Variants in OR6C4 observed in about 807,000 individuals in gnomAD.
OR6C4 encodes olfactory receptor family 6 subfamily C member 4, also known as olfactory receptor 6C4.
Under a neutral mutation model 15.1 loss-of-function variants are expected in OR6C4, and 20 were observed. The ratio of observed to expected loss-of-function variants is 1.32; its 90% confidence interval spans 0.93 to 1.92. The LOEUF (loss-of-function observed/expected upper bound fraction) is 1.92. Ranked by LOEUF, OR6C4 falls within the 30% of genes most tolerant of loss-of-function variation. The probability of loss-of-function intolerance (pLI) is 0.00; values close to 1 mark genes in which losing one functional copy is unlikely to be tolerated. For missense variants in OR6C4, 491 were observed against 363.2 expected, an observed-to-expected ratio of 1.35 and a Z score of -2.86; for synonymous variants, 179 against 134.2, an observed-to-expected ratio of 1.33 and a Z score of -2.31.
rs571853153 is a variant in OR6C4, at chr12:55,551,790, A to C, written c.564A>C (p.Ser188=). The C allele has an allele frequency of 6.2e-7, 1 of 1,612,018 alleles. No individual in the cohort carries two copies. The part of the protein sequence containing the change: ...DYGPLVELAC[S]DTSLLELMVI... ...GGCCTCTCGTGGAGCTTGCCTGCTCAGACACAAGCCTCTTAGAACTGATGG... is the reference window on the plus strand; with the variant it reads ...GGCCTCTCGTGGAGCTTGCCTGCTCCGACACAAGCCTCTTAGAACTGATGG... Residue 188 remains serine (S), a synonymous_variant, in exon 2 of 2, where the codon TCA becomes TCC. Coordinates refer to ENST00000641569, the MANE Select transcript of OR6C4 (RefSeq NM_001005494.2).
chr12:55,552,202 C>G lies in OR6C4; in HGVS notation c.*46C>G, dbSNP rs754023810. 15 of 1,270,124 alleles carry G rather than the reference C, an allele frequency of 1.2e-5. No homozygotes were observed. The highest frequency in any genetic ancestry group is 2.4e-5 in the Admixed American group (1 of 41,944). The allele number at this position is 1,270,124 out of a possible 1,614,324, so 78.7% of individuals were successfully genotyped here. A position where few individuals can be genotyped will look rare whatever the true frequency, so the allele number is the denominator to read the frequency against. On this transcript the variant is annotated 3_prime_UTR_variant, in exon 2 of 2. Transcript: ENST00000641569. Reference sequence around the variant, plus strand: ...AATACATTTTCACTTAACAAATATGCATTGAATGTCTATATTTCAAGTGCT... The same window carrying G: ...AATACATTTTCACTTAACAAATATGGATTGAATGTCTATATTTCAAGTGCT...
Position 55,551,444 on chromosome 12 carries a change from C to T in OR6C4, c.218C>T (p.Ser73Phe). ...TCCTTCTTAGAAATTTCCTTCACAT[C>T]CATTTTTATTCCCAGATTTCTGACC... The part of the protein sequence containing the change: ...NFSFLEISFT[S>F]IFIPRFLTSM... Residue 73 changes from serine to phenylalanine, a missense_variant, in exon 2 of 2, where the codon TCC (serine) becomes TTC (phenylalanine). By Grantham distance (155) the Ser-to-Phe change is radical (BLOSUM62 -2). Coordinates refer to ENST00000641569, the MANE Select transcript of OR6C4 (RefSeq NM_001005494.2). 4 of 1,613,890 alleles carry T rather than the reference C, an allele frequency of 2.5e-6. No individual in the cohort carries two copies. The highest frequency in any genetic ancestry group is 1.3e-5 in the African/African-American group (1 of 75,032).
Position 55,552,311 on chromosome 12 carries a change from T to A in OR6C4, c.*155T>A, listed in dbSNP as rs540785120. ...TAGTCTAGAATCAAGGAAAGATATATAAATGGTAAATTTATGTAATAAATT... is the reference window on the plus strand; with the variant it reads ...TAGTCTAGAATCAAGGAAAGATATAAAAATGGTAAATTTATGTAATAAATT... On this transcript the variant is annotated 3_prime_UTR_variant, in exon 2 of 2. Coordinates refer to ENST00000641569, the MANE Select transcript of OR6C4 (RefSeq NM_001005494.2). 29 of 517,550 alleles carry A rather than the reference T, an allele frequency of 5.6e-5. No homozygotes were observed. The Middle Eastern group carries it at 2.0e-3, about 35-fold the overall frequency. The allele number at this position is 517,550 out of a possible 1,614,324, so 32.1% of individuals were successfully genotyped here.
Position 55,550,060 on chromosome 12 carries a change from A to G in OR6C4, c.-77A>G, listed in dbSNP as rs1157753715. 6.6e-6 allele frequency: 1 copy of G among 152,200 alleles called. No homozygotes were observed. The allele number at this position is 152,200 out of a possible 1,614,324, so 9.4% of individuals were successfully genotyped here. On this transcript the variant is annotated 5_prime_UTR_variant, in exon 1 of 2. It removes an upstream start codon present in the reference 5' UTR. Transcript: ENST00000641569. Reference sequence around the variant, plus strand: ...TTTTATCATTCTATAAATGTGGATCATGAAATGAATCAACTGTGAAAATCT... The same window carrying G: ...TTTTATCATTCTATAAATGTGGATCGTGAAATGAATCAACTGTGAAAATCT...
intron 1 of OR6C4, 68 bp from the exon 2 acceptor site, chr12:55,551,141 A>G (rs951215675): frequency 7.0e-6 from 7 of 1,005,368 alleles, no homozygotes; most frequent in African/African-American, 6.5e-5. Flanking sequence ...CTGTTCATTA[A>G]GATAAGCTTT....
chr12:55,551,065 G>T, intron 1 of OR6C4, 144 bp from the exon 2 acceptor site: 1 of 584,724 alleles, frequency 1.7e-6, no homozygotes, highest in Non-Finnish European at 3.0e-6. Context: ...CTTGCATGGA[G>T]CCAAGTGCAC....
At position 55,551,816 on chromosome 12, in the gene OR6C4, T is replaced by C; in HGVS notation, c.590T>C (p.Val197Ala). 6.2e-7 allele frequency: 1 copy of C among 1,613,862 alleles called. No homozygotes were observed. Among genetic ancestry groups the C allele is most frequent in the Non-Finnish European group, 8.5e-7 (1 of 1,179,908 alleles). ...CSDTSLLELM[V>A]ILLAVVTLMV... ...GACACAAGCCTCTTAGAACTGATGG[T>C]CATCCTCTTGGCCGTTGTGACTCTC... The change falls in exon 2 of 2, where the codon GTC becomes GCC. Residue 197 changes from valine to alanine, a missense_variant. Transcript: ENST00000641569.
At position 55,554,856 on chromosome 12, in the gene OR6C4, A is replaced by AT. The variant is rs1033705932; in HGVS notation, c.*2706dup. On this transcript the variant is annotated 3_prime_UTR_variant, in exon 2 of 2. Coordinates refer to ENST00000641569, the MANE Select transcript of OR6C4 (RefSeq NM_001005494.2). ...AATAAAATTCAAAACAATAAAATAT[A>AT]TTTTTTAATTTTTTTTATTTCAGCC... The AT allele has an allele frequency of 3.9e-5, 6 of 152,222 alleles. No individual in the cohort carries two copies. Among genetic ancestry groups the AT allele is most frequent in the Non-Finnish European group, 5.9e-5 (4 of 68,012 alleles). 9.4% of individuals were successfully genotyped at this position (152,222 alleles called of 1,614,324 possible). A position where few individuals can be genotyped will look rare whatever the true frequency, so the allele number is the denominator to read the frequency against.
Position 55,551,759 on chromosome 12 carries a change from A to T in OR6C4, c.533A>T (p.Asp178Val). 6.2e-7 allele frequency: 1 copy of T among 1,613,820 alleles called. No homozygotes were observed. Among genetic ancestry groups the T allele is most frequent in the Non-Finnish European group, 8.5e-7 (1 of 1,179,902 alleles). ...VSNILNHYYCDYGPLVELACS... is the reference protein window; with the variant it reads ...VSNILNHYYCVYGPLVELACS... The stretch of plus-strand genomic sequence containing the variant: ...AACATTCTGAATCACTATTACTGTG[A>T]CTATGGGCCTCTCGTGGAGCTTGCC... The change falls in exon 2 of 2, where the codon GAC (aspartate) becomes GTC (valine). Residue 178 changes from aspartate to valine, a missense_variant. Asp to Val is a radical substitution (Grantham distance 152). Coordinates refer to ENST00000641569, the MANE Select transcript of OR6C4 (RefSeq NM_001005494.2).
rs554263799 is a variant in OR6C4, at chr12:55,552,136, A to G, written c.910A>G (p.Lys304Glu). Residue 304 changes from lysine to glutamate, a missense_variant, in exon 2 of 2, where the codon AAA becomes GAA. Coordinates refer to ENST00000641569, the MANE Select transcript of OR6C4 (RefSeq NM_001005494.2). Reference protein sequence around the residue: ...QVKQAFKDSVKKIVKL With the variant: ...QVKQAFKDSVEKIVKL ...GAAACAAGCTTTCAAGGACTCAGTC[A>G]AAAAGATTGTGAAACTTTAAAAAAG... 31 of 1,597,164 alleles carry G rather than the reference A, an allele frequency of 1.9e-5. No homozygotes were observed. Among genetic ancestry groups the G allele is most frequent in the Non-Finnish European group, 8.5e-6 (10 of 1,175,674 alleles).
chr12:55,552,263 A>C lies in OR6C4; in HGVS notation c.*107A>C, dbSNP rs559182405. On this transcript the variant is annotated 3_prime_UTR_variant, in exon 2 of 2. Coordinates refer to ENST00000641569, the MANE Select transcript of OR6C4 (RefSeq NM_001005494.2). ...TTGAAGATTAAAATAGGAAAAGTAT[A>C]TGTCTTAATTTCAAGAAAACTATAG... The C allele has an allele frequency of 5.9e-6, 4 of 678,486 alleles. No individual in the cohort carries two copies. The highest frequency in any genetic ancestry group is 9.7e-6 in the Non-Finnish European group (4 of 412,762). The allele number at this position is 678,486 out of a possible 1,614,324, so 42.0% of individuals were successfully genotyped here. A position where few individuals can be genotyped will look rare whatever the true frequency, so the allele number is the denominator to read the frequency against.
rs769294218 is a variant in OR6C4 at position 55,551,673 on chromosome 12, G to A, written c.447G>A (p.Gly149=). 1.2e-6 allele frequency: 2 copies of A among 1,613,810 alleles called. No homozygotes were observed. The highest frequency in any genetic ancestry group is 1.7e-6 in the Non-Finnish European group (2 of 1,179,866). Residue 149 remains glycine (G), a synonymous_variant, in exon 2 of 2, where the codon GGG becomes GGA. Transcript: ENST00000641569. ...CIQLVFCSWL[G]GFLAILPPII... The stretch of plus-strand genomic sequence containing the variant: ...AACTAGTGTTCTGCTCCTGGTTGGG[G>A]GGATTCCTAGCAATCTTACCACCAA...
rs1873857203 is a variant in OR6C4, at chr12:55,551,455, C to T, written c.229C>T (p.Pro77Ser). 1.2e-6 allele frequency: 2 copies of T among 1,613,870 alleles called. No individual in the cohort carries two copies. The highest frequency in any genetic ancestry group is 1.7e-6 in the Non-Finnish European group (2 of 1,179,884). ...LEISFTSIFIPRFLTSMTTGN... is the reference protein window; with the variant it reads ...LEISFTSIFISRFLTSMTTGN... ...AATTTCCTTCACATCCATTTTTATT[C>T]CCAGATTTCTGACCAGCATGACAAC... The change falls in exon 2 of 2, where the codon CCC (proline) becomes TCC (serine). Residue 77 changes from proline (P) to serine (S), a missense_variant. Transcript: ENST00000641569.
chr12:55,551,681 T>C lies in OR6C4; in HGVS notation c.455T>C (p.Leu152Pro). 1.9e-6 allele frequency: 3 copies of C among 1,613,910 alleles called. No individual in the cohort carries two copies. Among genetic ancestry groups the C allele is most frequent in the South Asian group, 1.1e-5 (1 of 91,074 alleles). Residue 152 changes from leucine to proline, a missense_variant, in exon 2 of 2, where the codon CTA (leucine) becomes CCA (proline). By Grantham distance (98) the Leu-to-Pro change is moderately conservative (BLOSUM62 -3). Coordinates refer to ENST00000641569, the MANE Select transcript of OR6C4 (RefSeq NM_001005494.2). The part of the protein sequence containing the change: ...LVFCSWLGGF[L>P]AILPPIILMT... ...TTCTGCTCCTGGTTGGGGGGATTCCTAGCAATCTTACCACCAATCATCCTG... is the reference window on the plus strand; with the variant it reads ...TTCTGCTCCTGGTTGGGGGGATTCCCAGCAATCTTACCACCAATCATCCTG...
In OR6C4 at chr12:55,555,040, G is replaced by T. The variant is rs1240197408; in HGVS notation, c.*2884G>T. On this transcript the variant is annotated 3_prime_UTR_variant, in exon 2 of 2. Coordinates refer to ENST00000641569, the MANE Select transcript of OR6C4 (RefSeq NM_001005494.2). ...GTAATTGTGGTTTTTGCTACTAAAA[G>T]TAATGGCAAAAACTGCAATTACTTT... is the stretch of plus-strand genomic sequence containing the variant. The T allele has an allele frequency of 6.6e-6, 1 of 151,988 alleles. No homozygotes were observed. The highest frequency in any genetic ancestry group is 1.5e-5 in the Non-Finnish European group (1 of 68,004). The allele number at this position is 151,988 out of a possible 1,614,324, so 9.4% of individuals were successfully genotyped here. A position where few individuals can be genotyped will look rare whatever the true frequency, so the allele number is the denominator to read the frequency against.
At chr12:55,551,188 A>T (rs770140083) in intron 1 of OR6C4, 21 bp from the exon 2 acceptor site, 4 of 1,403,284 alleles carry the variant, frequency 2.9e-6, no homozygotes, top group Non-Finnish European at 4.0e-6. Context: ...AATTTTCATC[A>T]TTCTCACCTT....
Position 55,551,663 on chromosome 12 carries a change from C to A in OR6C4, c.437C>A (p.Ser146Tyr). 25 of 1,613,922 alleles carry A rather than the reference C, an allele frequency of 1.5e-5. No homozygotes were observed. Among genetic ancestry groups the A allele is most frequent in the Non-Finnish European group, 2.1e-5 (25 of 1,179,892 alleles). ...GTCTGCATACAACTAGTGTTCTGCT[C>A]CTGGTTGGGGGGATTCCTAGCAATC... ...SRVCIQLVFC[S>Y]WLGGFLAILP... The change falls in exon 2 of 2, where the codon TCC becomes TAC. Residue 146 changes from serine to tyrosine, a missense_variant. Transcript: ENST00000641569.
chr12:55,550,383 T>G (rs561824815), intron 1 of OR6C4, among the ~76,000 whole-genome samples: 1 of 152,260 alleles, frequency 6.6e-6, no homozygotes, highest in East Asian at 1.9e-4. Context: ...ATCAAAAACT[T>G]TTTCTGGTTT....
rs1873898126 is a variant in OR6C4 at position 55,552,330 on chromosome 12, A to G, written c.*174A>G. The G allele has an allele frequency of 6.0e-6, 3 of 496,040 alleles. No individual in the cohort carries two copies. Among genetic ancestry groups the G allele is most frequent in the Non-Finnish European group, 1.0e-5 (3 of 287,422 alleles). The allele number at this position is 496,040 out of a possible 1,614,324, so 30.7% of individuals were successfully genotyped here. ...GATATATAAATGGTAAATTTATGTA[A>G]TAAATTTACAAAAAACAAAATAATA... On this transcript the variant is annotated 3_prime_UTR_variant, in exon 2 of 2. Transcript: ENST00000641569.
Sources: gnomAD v4.1 joint callset for allele counts (sites outside exome capture counted in the v4.1 genomes callset) on GRCh38, gnomAD v4.1.1 for gene constraint, MANE v1.5 for transcripts, NCBI Gene and HGNC (gene_info 2026-07-23, HGNC 2026-07-21) for gene names.